Variants in NEGR1 observed in about 807,000 individuals in gnomAD.
The protein encoded by NEGR1 is neuronal growth regulator 1, also known as IgLON family member 4.
NEGR1 carries 10 observed loss-of-function variants against 40.9 expected under a neutral mutation model. The ratio of observed to expected loss-of-function variants is 0.24; its 90% CI spans 0.15 to 0.42. The LOEUF (loss-of-function observed/expected upper bound fraction) is 0.42. Among genes scored for constraint, NEGR1 ranks in the 10% least tolerant of loss-of-function variants. The probability of loss-of-function intolerance (pLI) is 1.00; values close to 1 mark genes in which losing one functional copy is unlikely to be tolerated. For missense variants in NEGR1, 352 were observed against 438.9 expected, an observed-to-expected ratio of 0.80 and a Z score of 1.77; for synonymous variants, 185 against 166.8, an observed-to-expected ratio of 1.11 and a Z score of -0.84.
intron 1 of NEGR1, among the ~76,000 whole-genome samples, chr1:72,133,111 T>C (rs939011517): frequency 1.3e-5 from 2 of 152,148 alleles, no homozygotes; most frequent in South Asian, 2.1e-4. Context: ...TAAAGACTTA[T>C]AACCACTGTT....
At chr1:72,031,713 G>A (rs1022093427) in intron 1 of NEGR1, among the ~76,000 whole-genome samples, 3 of 152,084 alleles carry the variant, frequency 2.0e-5, no homozygotes, top group African/African-American at 4.8e-5. Flanking sequence ...TCTAGTACTT[G>A]CATGGGGTTA....
intron 2 of NEGR1, among the ~76,000 whole-genome samples, chr1:71,788,197 T>C (rs1310624478): frequency 6.6e-6 from 1 of 152,140 alleles, no homozygotes; most frequent in Non-Finnish European, 1.5e-5. Flanking sequence ...AAGGTTATCA[T>C]GCAGCTATGT....
intron 1 of NEGR1, among the ~76,000 whole-genome samples, chr1:72,134,366 C>T (rs1475675129): frequency 2.0e-5 from 3 of 151,490 alleles, no homozygotes; most frequent in South Asian, 2.1e-4. Context: ...CCACCACGCC[C>T]GCTAATGTTT....
At chr1:71,962,503 A>C (rs1469339299) in intron 1 of NEGR1, among the ~76,000 whole-genome samples, 1 of 152,070 alleles carries the variant, frequency 6.6e-6, no homozygotes, top group Non-Finnish European at 1.5e-5. Flanking sequence ...CAGATTGTGT[A>C]AGTGGGGAAT....
At chr1:72,236,501 G>A (rs1654550784) in intron 1 of NEGR1, among the ~76,000 whole-genome samples, 1 of 151,940 alleles carries the variant, frequency 6.6e-6, no homozygotes, top group African/African-American at 2.4e-5. Flanking sequence ...CAATTTTGAA[G>A]TGCCTGTACT....
At chr1:72,281,129 T>C (rs1656226781) in intron 1 of NEGR1, among the ~76,000 whole-genome samples, 1 of 151,676 alleles carries the variant, frequency 6.6e-6, no homozygotes, top group South Asian at 2.1e-4. Flanking sequence ...ACCTCAGAGC[T>C]CAAGCTCAGA....
intron 1 of NEGR1, among the ~76,000 whole-genome samples, chr1:72,278,942 T>C (rs1656156290): frequency 6.6e-6 from 1 of 152,074 alleles, no homozygotes; most frequent in Admixed American, 6.6e-5. Context: ...ATATCAAACA[T>C]TACTATATTG....
chr1:71,509,870 A>G (rs1647061181), intron 6 of NEGR1, among the ~76,000 whole-genome samples: 1 of 152,224 alleles, frequency 6.6e-6, no homozygotes, highest in Non-Finnish European at 1.5e-5. Context: ...GTGGCTAGCC[A>G]GTTAGATGCC....
intron 1 of NEGR1, among the ~76,000 whole-genome samples, chr1:72,038,519 ATAT>A (rs1646924423): frequency 6.6e-6 from 1 of 152,042 alleles, no homozygotes; most frequent in South Asian, 2.1e-4. Context: ...AAGCTCAAGC[ATAT>A]TATTTTTTAA....
intron 1 of NEGR1, among the ~76,000 whole-genome samples, chr1:72,092,663 T>C (rs548553201): frequency 6.6e-6 from 1 of 152,260 alleles, no homozygotes; most frequent in African/African-American, 2.4e-5. Context: ...CTTTTCTTTT[T>C]CTTTTGAGGC....
chr1:71,950,303 A>G (rs1347191040), intron 1 of NEGR1, among the ~76,000 whole-genome samples: 1 of 152,026 alleles, frequency 6.6e-6, no homozygotes, highest in Non-Finnish European at 1.5e-5. Flanking sequence ...CACTTTTAGT[A>G]TAATTTGTAG....
At chr1:71,934,735 T>C (rs1420902240) in intron 2 of NEGR1, among the ~76,000 whole-genome samples, 2 of 152,158 alleles carry the variant, frequency 1.3e-5, no homozygotes, top group Admixed American at 1.3e-4. Flanking sequence ...TGGATATTTC[T>C]TTATCTTTGT....
chr1:71,796,006 G>A (rs1237745090), intron 2 of NEGR1, among the ~76,000 whole-genome samples: 1 of 152,170 alleles, frequency 6.6e-6, no homozygotes, highest in Non-Finnish European at 1.5e-5. Context: ...GTAGGTCACA[G>A]ATTAGTCAAC....
At chr1:71,827,618 A>C (rs963254993) in intron 2 of NEGR1, among the ~76,000 whole-genome samples, 1 of 151,974 alleles carries the variant, frequency 6.6e-6, no homozygotes, top group African/African-American at 2.4e-5. Flanking sequence ...AAATACAGAA[A>C]TTACAAACAA....
At chr1:72,070,278 A>G (rs1427964522) in intron 1 of NEGR1, among the ~76,000 whole-genome samples, 1 of 151,958 alleles carries the variant, frequency 6.6e-6, no homozygotes, top group Admixed American at 6.6e-5. Flanking sequence ...TAACTTTTTT[A>G]AATTATAGCT....
At chr1:72,016,029 ATAAGAAAT>A (rs1219909755) in intron 1 of NEGR1, among the ~76,000 whole-genome samples, 1 of 152,206 alleles carries the variant, frequency 6.6e-6, no homozygotes, top group Non-Finnish European at 1.5e-5. Context: ...TTTTTTCAAT[ATAAGAAAT>A]TATCCTTCAT....
intron 1 of NEGR1, among the ~76,000 whole-genome samples, chr1:72,120,102 C>T (rs1255429689): frequency 6.6e-6 from 1 of 151,804 alleles, no homozygotes; most frequent in Non-Finnish European, 1.5e-5. Context: ...CATAGCTAAC[C>T]TATTTTCAGA....
intron 2 of NEGR1, among the ~76,000 whole-genome samples, chr1:71,848,707 G>T (rs1176738604): frequency 6.6e-6 from 1 of 152,190 alleles, no homozygotes; most frequent in African/African-American, 2.4e-5. Context: ...GGAGATTAAT[G>T]TTGCTTTCAG....
chr1:72,100,120 T>G, intron 1 of NEGR1, among the ~76,000 whole-genome samples: 1 of 152,198 alleles, frequency 6.6e-6, no homozygotes, highest in Non-Finnish European at 1.5e-5. Flanking sequence ...ACTTGTAAAT[T>G]CTGTCTGATT....
Sources: gnomAD v4.1 joint callset for allele counts (sites outside exome capture counted in the v4.1 genomes callset) on GRCh38, gnomAD v4.1.1 for gene constraint, MANE v1.5 for transcripts, NCBI Gene and HGNC (gene_info 2026-07-23, HGNC 2026-07-21) for gene names.